The following SLC23A1 variants were observed in gnomAD, a reference collection of about 807,000 sequenced individuals.
SLC23A1 encodes the protein Na(+)/L-ascorbic acid transporter 1.
A neutral mutation model predicts 62.5 loss-of-function variants in SLC23A1; 31 were observed. That is an observed-to-expected ratio of 0.50 (90% CI 0.37 to 0.67). SLC23A1 has a LOEUF of 0.67. SLC23A1 is among the 30% of genes least tolerant of loss of function. SLC23A1 has a pLI of 0.00. For missense variants in SLC23A1, 640 were observed against 782.7 expected (o/e 0.82, Z 2.18); for synonymous variants, 271 against 313.2 (o/e 0.87, Z 1.42).
At position 139,382,019 on chromosome 5, in the gene SLC23A1, C is replaced by T. The variant is rs778820354; in HGVS notation, c.181G>A (p.Ala61Thr). 16 of 1,608,894 alleles carry T rather than the reference C, an allele frequency of 9.9e-6. No homozygotes were observed. Among genetic ancestry groups the T allele is most frequent in the South Asian group, 6.7e-5 (6 of 89,930 alleles). The part of the protein sequence containing the change: ...HYLTCFSGTI[A>T]VPFLLAEALC... ...GCCTCAGCCAGCAGGAAGGGCACGG[C>T]GATGGTACCACTGAAGCATGTCAGG... Residue 61 changes from alanine (A) to threonine (T), a missense_variant, in exon 3 of 15, where the codon GCC becomes ACC. By Grantham distance (58) the Ala-to-Thr change is moderately conservative. Transcript: ENST00000348729.
chr5:139,380,188 C>T lies in SLC23A1; in HGVS notation c.647+20G>A. On this transcript the variant is annotated intron_variant, in intron 6 of 14. Transcript: ENST00000348729. Reference sequence around the variant, plus strand: ...TAGGGTGCTGGGGCTGGGCAGGGATCAGGCCTGGTGCCTGCTCACCAAGCT... The same window carrying T: ...TAGGGTGCTGGGGCTGGGCAGGGATTAGGCCTGGTGCCTGCTCACCAAGCT... The T allele has an allele frequency of 6.4e-7, 1 of 1,556,002 alleles. No individual in the cohort carries two copies. Among genetic ancestry groups the T allele is most frequent in the Non-Finnish European group, 8.7e-7 (1 of 1,149,394 alleles).
chr5:139,383,782 G>A (rs1396257680), upstream of SLC23A1, among the ~76,000 whole-genome samples: 4 of 152,216 alleles, frequency 2.6e-5, no homozygotes, highest in South Asian at 2.1e-4. Context: ...CTTTAACAGC[G>A]AAGGAAACAG....
chr5:139,376,177 A>ATTTTTTTTT (rs1554159745), intron 13 of SLC23A1, among the ~76,000 whole-genome samples: 43 of 142,474 alleles, frequency 3.0e-4, no homozygotes, highest in Non-Finnish European at 3.3e-4. Flanking sequence ...CGATGTTTTA[A>ATTTTTTTTT]TTTTTTTTTT....
At chr5:139,382,460 G>T in intron 2 of SLC23A1, 32 bp downstream of exon 2, 1 of 1,282,166 alleles carries the variant, frequency 7.8e-7, no homozygotes, top group Non-Finnish European at 1.1e-6. Flanking sequence ...GGAGTGTGCA[G>T]AGTGAGGGCG....
At chr5:139,383,885 C>CA (rs976328109), upstream of SLC23A1, among the ~76,000 whole-genome samples, 3 of 152,242 alleles carry the variant, frequency 2.0e-5, no homozygotes, top group African/African-American at 7.2e-5. Context: ...GCCTTGCCCT[C>CA]ACCACCCTGC....
intron 14 of SLC23A1, chr5:139,369,691 T>TA (rs1561969187): frequency 6.6e-6 from 1 of 152,582 alleles, no homozygotes; most frequent in East Asian, 1.9e-4. Context: ...CAAAAATATT[T>TA]AAAAAAATAA....
rs965534182 is a variant in SLC23A1, at chr5:139,382,193, A to C, written c.151-144T>G. ...CTGGCAGTCCCCACAAGGGATTCCC[A>C]GAGAGCTACTGCTGACCACTCTGGG... On this transcript the variant is annotated intron_variant, in intron 2 of 14. Coordinates refer to ENST00000348729, the MANE Select transcript of SLC23A1 (RefSeq NM_005847.5). 6 of 769,312 alleles carry C rather than the reference A, an allele frequency of 7.8e-6. No individual in the cohort carries two copies. The East Asian group carries it at 1.6e-4, about 21-fold the overall frequency. The allele number at this position is 769,312 out of a possible 1,614,324, so 47.7% of individuals were successfully genotyped here.
chr5:139,368,218 G>A (rs1338598786), intron 14 of SLC23A1, among the ~76,000 whole-genome samples: 5 of 152,112 alleles, frequency 3.3e-5, no homozygotes, highest in Non-Finnish European at 7.4e-5. Flanking sequence ...GGCGCCTGTA[G>A]TCCCAGCTAC....
upstream of SLC23A1, chr5:139,383,397 G>T: frequency 6.9e-7 from 1 of 1,459,644 alleles, no homozygotes; most frequent in East Asian, 2.5e-5. Flanking sequence ...GCGAAAGGGG[G>T]GCCCGGGCAG....
In SLC23A1 at chr5:139,380,896, A is replaced by G; in HGVS notation, c.309-10T>C. 1.5e-6 allele frequency: 1 copy of G among 664,104 alleles called. No individual in the cohort carries two copies. The highest frequency in any genetic ancestry group is 1.7e-5 in the South Asian group (1 of 57,312). The allele number at this position is 664,104 out of a possible 1,614,324, so 41.1% of individuals were successfully genotyped here. A position where few individuals can be genotyped will look rare whatever the true frequency, so the allele number is the denominator to read the frequency against. ...CTGGAACAGCGGCAGCCTGGAGGAG[A>G]GGCACAAAGCAACAGGGGTGGGGAG... On this transcript the variant is annotated splice_polypyrimidine_tract_variant and intron_variant, in intron 3 of 14. Transcript: ENST00000348729.
At position 139,379,745 on chromosome 5, in the gene SLC23A1, G is replaced by T. The variant is rs982858990; in HGVS notation, c.858C>A (p.Phe286Leu). The T allele has an allele frequency of 6.2e-7, 1 of 1,614,018 alleles. No homozygotes were observed. Among genetic ancestry groups the T allele is most frequent in the African/African-American group, 1.3e-5 (1 of 74,892 alleles). Reference protein sequence around the residue: ...VLPTDPKAYGFQARTDARGDI... With the variant: ...VLPTDPKAYGLQARTDARGDI... ...CACCACGGGCATCGGTTCGTGCCTG[G>T]AAGCCATAGGCTTTTGGGTCTGTGG... is the stretch of plus-strand genomic sequence containing the variant. Residue 286 changes from phenylalanine (F) to leucine (L), a missense_variant, in exon 8 of 15, where the codon TTC (phenylalanine) becomes TTA (leucine). Physicochemically the swap from Phe to Leu is conservative, Grantham distance 22 (BLOSUM62 0). Transcript: ENST00000348729. This position sits in a 1 kb window ranked among gnomAD's most constrained non-coding sequence, Gnocchi z 4.7.
Position 139,378,050 on chromosome 5 carries a change from C to A in SLC23A1, c.1378G>T (p.Val460Leu). ...VDMNSSRNLF[V>L]LGFSMFFGLT... ...CCGAAGAACATGGAAAATCCCAGCA[C>A]GAAGAGGTTGCGAGAGGAGTTCATG... The change falls in exon 12 of 15, where the codon GTG (valine) becomes TTG (leucine). Residue 460 changes from valine to leucine, a missense_variant. Physicochemically the swap from Val to Leu is conservative, Grantham distance 32. Coordinates refer to ENST00000348729, the MANE Select transcript of SLC23A1 (RefSeq NM_005847.5). The surrounding 1 kb of genome is among the most constrained non-coding windows in gnomAD (Gnocchi z 4.5). The A allele has an allele frequency of 6.2e-7, 1 of 1,614,136 alleles. No individual in the cohort carries two copies. Among genetic ancestry groups the A allele is most frequent in the Non-Finnish European group, 8.5e-7 (1 of 1,180,016 alleles).
At chr5:139,368,604 A>G (rs1757446990) in intron 14 of SLC23A1, 1 of 647,074 alleles carries the variant, frequency 1.5e-6, no homozygotes, top group East Asian at 2.7e-5. Context: ...TTTGGGGTTT[A>G]GTATAGTCTT....
chr5:139,373,854 G>A (rs557159420), intron 13 of SLC23A1, among the ~76,000 whole-genome samples: 8 of 152,282 alleles, frequency 5.3e-5, no homozygotes, highest in Admixed American at 1.3e-4. Context: ...TAGGTGTGGC[G>A]TAGGACTATG....
chr5:139,380,484 C>A, intron 5 of SLC23A1, 81 bp downstream of exon 5: 1 of 1,595,238 alleles, frequency 6.3e-7, no homozygotes, highest in South Asian at 1.1e-5. Flanking sequence ...CTCCTCAAAT[C>A]CCCAAACTCA....
chr5:139,368,179 C>T (rs1168594240), intron 14 of SLC23A1, among the ~76,000 whole-genome samples: 1 of 151,962 alleles, frequency 6.6e-6, no homozygotes, highest in African/African-American at 2.4e-5. Context: ...ACTAAAAATA[C>T]AACAAAAAAT....
At position 139,378,627 on chromosome 5, in the gene SLC23A1, G is replaced by A; in HGVS notation, c.1131C>T (p.Asn377=). The change falls in exon 10 of 15, where the codon AAC becomes AAT. Residue 377 remains asparagine, a synonymous_variant. Coordinates refer to ENST00000348729, the MANE Select transcript of SLC23A1 (RefSeq NM_005847.5). This position sits in a 1 kb window ranked among gnomAD's most constrained non-coding sequence, Gnocchi z 4.5. ...CIIAGLLGTG[N]GSTSSSPNIG... ...TGTTGGGACTGGACGAGGTGGACCC[G>A]TTGCCCGTGCCCAATAGCCCCGCGA... 6.2e-7 allele frequency: 1 copy of A among 1,612,156 alleles called. No homozygotes were observed.
intron 13 of SLC23A1, 75 bp downstream of exon 13, chr5:139,377,327 C>G (rs1189711259): frequency 1.2e-6 from 1 of 833,726 alleles, no homozygotes; most frequent in Non-Finnish European, 2.1e-6. Flanking sequence ...CCACACAGCT[C>G]CAGCTCAGAG....
upstream of SLC23A1, chr5:139,384,312 T>C: frequency 7.4e-6 from 9 of 1,219,178 alleles, no homozygotes; most frequent in Non-Finnish European, 9.5e-6. Flanking sequence ...CCCCATTCTG[T>C]TCCCCTCTGG....
Sources: allele counts gnomAD v4.1 joint callset (sites outside exome capture counted in the v4.1 genomes callset), GRCh38; gene constraint gnomAD v4.1.1; non-coding constraint Gnocchi (gnomAD v3.1); transcripts MANE v1.5; gene names NCBI Gene and HGNC (gene_info 2026-07-23, HGNC 2026-07-21).